The following NHS variants were observed in gnomAD, a reference collection of about 807,000 sequenced individuals.
The protein encoded by NHS is NHS actin remodeling regulator.
NHS carries 5 observed loss-of-function variants against 72.5 expected under a neutral mutation model. The ratio of observed to expected loss-of-function variants is 0.07; its 90% CI spans 0.04 to 0.14. The LOEUF (loss-of-function observed/expected upper bound fraction) is 0.14. Among genes scored for constraint, NHS ranks in the 10% least tolerant of loss-of-function variants. The pLI is 1.00. For synonymous variants in NHS, 464 were observed against 547.7 expected, an observed-to-expected ratio of 0.85 and a Z score of 2.13; for missense variants, 1,072 against 1,355.7, an observed-to-expected ratio of 0.79 and a Z score of 3.29.
chrX:17,633,210 A>G (rs1316664587), intron 1 of NHS, among the ~76,000 whole-genome samples: 1 of 112,059 alleles, frequency 8.9e-6, no homozygotes, highest in African/African-American at 3.2e-5. Flanking sequence ...AAGAAAATAT[A>G]TCCTCTTCCT....
chrX:17,687,505 G>A, intron 1 of NHS: 1 of 446,935 alleles, frequency 2.2e-6, no homozygotes, highest in Non-Finnish European at 4.0e-6. Flanking sequence ...GCTAGTCATA[G>A]GTAGACGGTT....
intron 1 of NHS, among the ~76,000 whole-genome samples, chrX:17,551,949 T>C (rs1439734925): frequency 8.9e-6 from 1 of 112,126 alleles, no homozygotes; most frequent in East Asian, 2.8e-4. Flanking sequence ...ATAGAGTATC[T>C]GCTCTGTGCC....
intron 1 of NHS, among the ~76,000 whole-genome samples, chrX:17,417,425 A>G (rs1189150675): frequency 8.9e-6 from 1 of 112,056 alleles, no homozygotes; most frequent in Non-Finnish European, 1.9e-5. Flanking sequence ...TTTTCCTGAA[A>G]CCTTTTCAAT....
chrX:17,666,130 A>G (rs1323432565), intron 1 of NHS, among the ~76,000 whole-genome samples: 2 of 112,074 alleles, frequency 1.8e-5, no homozygotes, highest in African/African-American at 6.5e-5. Context: ...TGGGTAAAGA[A>G]GAAGTGGAAA....
chrX:17,636,582 C>G, intron 1 of NHS, among the ~76,000 whole-genome samples: 1 of 112,289 alleles, frequency 8.9e-6, no homozygotes, highest in Non-Finnish European at 1.9e-5. Context: ...ACATTTGCCT[C>G]CACTGCCTCT....
intron 1 of NHS, among the ~76,000 whole-genome samples, chrX:17,682,087 C>T (rs1365900282): frequency 4.5e-5 from 5 of 110,340 alleles, no homozygotes; most frequent in Non-Finnish European, 5.7e-5. Context: ...TGTACTTTAC[C>T]CTGTTCCTTC....
At chrX:17,687,448 G>A (rs1003393364) in intron 1 of NHS, 103 of 335,884 alleles carry the variant, frequency 3.1e-4, no homozygotes, top group Non-Finnish European at 4.9e-4. Context: ...CAGTGTTGAT[G>A]AGCGACTGTG....
intron 1 of NHS, among the ~76,000 whole-genome samples, chrX:17,441,900 C>T (rs1366085273): frequency 1.8e-5 from 2 of 112,243 alleles, no homozygotes; most frequent in Non-Finnish European, 3.8e-5. Context: ...TTTCTACTCA[C>T]TTAAGCCAGT....
In NHS at chrX:17,502,789, A is replaced by C. The variant is rs1601736341; in HGVS notation, c.565+126467A>C. Among the ~76,000 whole-genome samples the C allele has an allele frequency of 1.3e-4, 2 of 15,350 alleles. 1 individual carries two copies. Among genetic ancestry groups the C allele is most frequent in the African/African-American group, 3.6e-4 (2 of 5,614 alleles). 13.3% of individuals were successfully genotyped at this position (15,350 alleles called of 115,157 possible). On this transcript the variant is annotated intron_variant, in intron 1 of 8. Transcript: ENST00000676302. Reference sequence around the variant, plus strand: ...GGGCGACAGAGCGAGACTCCGTCTCAAAAAAAAAAAAAAAAAAAAAAGAAG... The same window carrying C: ...GGGCGACAGAGCGAGACTCCGTCTCCAAAAAAAAAAAAAAAAAAAAAGAAG...
At chrX:17,378,021 G>A (rs1180846153) in intron 1 of NHS, among the ~76,000 whole-genome samples, 1 of 109,185 alleles carries the variant, frequency 9.2e-6, no homozygotes, top group African/African-American at 3.4e-5. Flanking sequence ...AGAACTGGAG[G>A]GAAGTTTTGC....
At chrX:17,589,855 A>AT (rs1247662393) in intron 1 of NHS, among the ~76,000 whole-genome samples, 1 of 110,881 alleles carries the variant, frequency 9.0e-6, no homozygotes, top group African/African-American at 3.3e-5. Flanking sequence ...TATTTTTTAT[A>AT]TTTTTTTGAT....
rs1382198618 is a variant in NHS, at chrX:17,375,471, T to A, written c.-287T>A. ...TGGAGTTGAGCCAGTCGACCCTGGT[T>A]GGAAGCAAGTGAGAAGAGACCAGGC... On this transcript the variant is annotated 5_prime_UTR_variant, in exon 1 of 9. Transcript: ENST00000676302. The A allele has an allele frequency of 7.4e-6, 3 of 407,643 alleles. No individual in the cohort carries two copies. In the Admixed American group the frequency reaches 1.3e-4, roughly 18 times the overall value. The allele number at this position is 407,643 out of a possible 1,213,427, so 33.6% of individuals were successfully genotyped here. A position where few individuals can be genotyped will look rare whatever the true frequency, so the allele number is the denominator to read the frequency against.
At chrX:17,524,473 T>A (rs1422049286) in intron 1 of NHS, among the ~76,000 whole-genome samples, 1 of 112,568 alleles carries the variant, frequency 8.9e-6, no homozygotes, top group Non-Finnish European at 1.9e-5. Context: ...CCACATTGCA[T>A]TTAGTTGTCC....
At chrX:17,433,802 A>T (rs969436736) in intron 1 of NHS, among the ~76,000 whole-genome samples, 2 of 112,253 alleles carry the variant, frequency 1.8e-5, no homozygotes, top group Admixed American at 9.4e-5. Flanking sequence ...TGACCTTTGA[A>T]TTTATGGATT....
At chrX:17,385,552 G>A (rs1201728676) in intron 1 of NHS, among the ~76,000 whole-genome samples, 1 of 111,161 alleles carries the variant, frequency 9.0e-6, no homozygotes, top group Non-Finnish European at 1.9e-5. Context: ...TTTTTATTTT[G>A]TTTTCATTTT....
chrX:17,649,933 G>A (rs779913453), intron 1 of NHS, among the ~76,000 whole-genome samples: 11 of 112,154 alleles, frequency 9.8e-5, no homozygotes, highest in East Asian at 5.6e-4. Context: ...GCTGCTACTG[G>A]GATAGGTGAG....
intron 3 of NHS, among the ~76,000 whole-genome samples, chrX:17,712,389 CACACAT>C (rs1388324633): frequency 1.1e-5 from 1 of 90,713 alleles, no homozygotes; most frequent in Non-Finnish European, 2.1e-5. Flanking sequence ...CACACACACA[CACACAT>C]ATATATATAT....
At chrX:17,393,961 G>A (rs1442796471) in intron 1 of NHS, among the ~76,000 whole-genome samples, 1 of 111,445 alleles carries the variant, frequency 9.0e-6, no homozygotes, top group African/African-American at 3.3e-5. Flanking sequence ...TGACTCCGTT[G>A]CTGAGTTTGA....
intron 1 of NHS, among the ~76,000 whole-genome samples, chrX:17,524,007 T>TG: frequency 8.9e-6 from 1 of 111,949 alleles, no homozygotes; most frequent in East Asian, 2.8e-4. Context: ...GCTGGCTCTC[T>TG]GCTGCATATT....
Sources: allele counts gnomAD v4.1 joint callset (sites outside exome capture counted in the v4.1 genomes callset), GRCh38; gene constraint gnomAD v4.1.1; transcripts MANE v1.5; gene names NCBI Gene and HGNC (gene_info 2026-07-23, HGNC 2026-07-21).